FBXO34: variants seen among roughly 807,000 people sequenced by gnomAD.
FBXO34 encodes F-box only protein 34.
A neutral mutation model predicts 24.5 loss-of-function variants in FBXO34; 12 were observed. The observed-to-expected ratio is 0.49, with a 90% confidence interval of 0.31 to 0.79. The LOEUF is 0.79. Among genes scored for constraint, FBXO34 ranks in the 30% least tolerant of loss-of-function variants. FBXO34 has a pLI of 0.04. For synonymous variants in FBXO34, 320 were observed against 311.9 expected (o/e 1.03, Z -0.27); for missense variants, 823 against 857.7 (o/e 0.96, Z 0.51).
At chr14:55,274,906 G>T (rs1881284159) in intron 1 of FBXO34, among the ~76,000 whole-genome samples, 1 of 152,166 alleles carries the variant, frequency 6.6e-6, no homozygotes, top group Admixed American at 6.5e-5. Context: ...TGCCTTCCTT[G>T]TTAGGTCATG....
At chr14:55,276,808 C>T (rs553873438) in intron 1 of FBXO34, among the ~76,000 whole-genome samples, 4 of 152,238 alleles carry the variant, frequency 2.6e-5, no homozygotes, top group African/African-American at 7.2e-5. Context: ...TTGGGGACTG[C>T]GGATATAGCT....
At chr14:55,315,534 G>C (rs1377587485) in intron 1 of FBXO34, among the ~76,000 whole-genome samples, 2 of 152,214 alleles carry the variant, frequency 1.3e-5, no homozygotes, top group African/African-American at 4.8e-5. Flanking sequence ...GTAGCTGCCT[G>C]TGAAAGGGTT....
At chr14:55,378,154 A>G in the FBXO34 span, 1 of 1,198,966 alleles carries the variant, frequency 8.3e-7, no homozygotes, top group Non-Finnish European at 1.2e-6. Flanking sequence ...CAGTACAATT[A>G]GGTATAACAC....
At chr14:55,291,087 A>G (rs1881931821) in intron 1 of FBXO34, among the ~76,000 whole-genome samples, 1 of 152,060 alleles carries the variant, frequency 6.6e-6, no homozygotes, top group Admixed American at 6.6e-5. Flanking sequence ...TTGGCCTCCC[A>G]AAGTGCTATG....
the FBXO34 span, among the ~76,000 whole-genome samples, chr14:55,386,702 C>T: frequency 2.6e-5 from 4 of 152,166 alleles, no homozygotes; most frequent in South Asian, 8.3e-4. Context: ...GAAACAAAAG[C>T]CTGGCCACAC....
the FBXO34 span, among the ~76,000 whole-genome samples, chr14:55,375,759 C>A: frequency 3.3e-5 from 5 of 152,150 alleles, no homozygotes; most frequent in Non-Finnish European, 5.9e-5. Context: ...CACTTCACTT[C>A]TTTTTAAAAA....
At chr14:55,349,112 C>T (rs1411322586) in intron 1 of FBXO34, among the ~76,000 whole-genome samples, 2 of 152,090 alleles carry the variant, frequency 1.3e-5, no homozygotes, top group African/African-American at 4.8e-5. Flanking sequence ...ACTCTTTCCT[C>T]AATCCAGGGT....
At chr14:55,321,506 C>T (rs1404370870) in intron 1 of FBXO34, among the ~76,000 whole-genome samples, 1 of 152,040 alleles carries the variant, frequency 6.6e-6, no homozygotes, top group Non-Finnish European at 1.5e-5. Context: ...CAGTGATCCT[C>T]CCACCTCAGC....
chr14:55,423,924 A>C, the FBXO34 span, among the ~76,000 whole-genome samples: 2 of 152,240 alleles, frequency 1.3e-5, no homozygotes, highest in Non-Finnish European at 2.9e-5. Flanking sequence ...TAATTCTGTA[A>C]AAAAATCAGG....
At chr14:55,335,763 G>A (rs777109236) in intron 1 of FBXO34, among the ~76,000 whole-genome samples, 4 of 152,046 alleles carry the variant, frequency 2.6e-5, no homozygotes, top group Admixed American at 6.6e-5. Context: ...TTATGAAATG[G>A]GAATAATTAT....
the FBXO34 span, among the ~76,000 whole-genome samples, chr14:55,416,266 A>G: frequency 4.6e-5 from 7 of 152,294 alleles, no homozygotes; most frequent in Non-Finnish European, 8.8e-5. Flanking sequence ...AATATTAAAC[A>G]ATCAGGGATG....
At chr14:55,291,653 G>A (rs1881948217) in intron 1 of FBXO34, among the ~76,000 whole-genome samples, 1 of 152,062 alleles carries the variant, frequency 6.6e-6, no homozygotes, top group South Asian at 2.1e-4. Flanking sequence ...GGACAACATA[G>A]CAAGACCCCA....
rs1230650502 is a variant in FBXO34, at chr14:55,331,695, A to ATG, written c.-10-18685_-10-18684insGT. On this transcript the variant is annotated intron_variant, in intron 1 of 1. Coordinates refer to ENST00000313833, the MANE Select transcript of FBXO34 (RefSeq NM_017943.4). Reference sequence around the variant, plus strand: ...TGTATATATATATATGTGTATATATATATATATATGTATATATATATGTAT... The same window carrying ATG: ...TGTATATATATATATGTGTATATATATGTATATATATGTATATATATATGTAT... Among the ~76,000 whole-genome samples, 11 of 66,794 alleles carry ATG rather than the reference A, an allele frequency of 1.6e-4. 2 individuals carry two copies. In the African/African-American group the frequency reaches 1.9e-3, roughly 12 times the overall value. The allele number at this position is 66,794 out of a possible 152,430, so 43.8% of individuals were successfully genotyped here.
At chr14:55,306,524 C>G (rs552706377) in intron 1 of FBXO34, among the ~76,000 whole-genome samples, 1 of 152,318 alleles carries the variant, frequency 6.6e-6, no homozygotes, top group South Asian at 2.1e-4. Context: ...AGTACGTGGT[C>G]TTTCAAACTT....
At chr14:55,371,246 C>T (rs1266087160), downstream of FBXO34, among the ~76,000 whole-genome samples, 5 of 152,084 alleles carry the variant, frequency 3.3e-5, no homozygotes, top group African/African-American at 1.2e-4. Flanking sequence ...GCCATTTCAG[C>T]CTATGGTCCC....
chr14:55,305,466 G>C (rs914118195), intron 1 of FBXO34, among the ~76,000 whole-genome samples: 1 of 151,404 alleles, frequency 6.6e-6, no homozygotes, highest in East Asian at 1.9e-4. Context: ...TGGCTGAGGC[G>C]AGTGGATCAC....
At chr14:55,389,317 G>T in the FBXO34 span, among the ~76,000 whole-genome samples, 1 of 152,142 alleles carries the variant, frequency 6.6e-6, no homozygotes, top group Non-Finnish European at 1.5e-5. Flanking sequence ...ATGAACTAAT[G>T]TTAAGGAATG....
chr14:55,436,391 A>C, the FBXO34 span, among the ~76,000 whole-genome samples: 4 of 152,236 alleles, frequency 2.6e-5, no homozygotes, highest in Non-Finnish European at 5.9e-5. Flanking sequence ...GCTTTGCCTT[A>C]CAGATAATCA....
At chr14:55,360,648 G>A (rs541343353) in intron 3 of FBXO34, among the ~76,000 whole-genome samples, 3 of 152,036 alleles carry the variant, frequency 2.0e-5, no homozygotes, top group Admixed American at 6.5e-5. Context: ...TTTAAACAAC[G>A]AGAGGCTAGA....
Sources: gnomAD v4.1 joint callset for allele counts (sites outside exome capture counted in the v4.1 genomes callset) on GRCh38, gnomAD v4.1.1 for gene constraint, MANE v1.5 for transcripts, NCBI Gene and HGNC (gene_info 2026-07-23, HGNC 2026-07-21) for gene names.